HSF5: variants seen among roughly 807,000 people sequenced by gnomAD.
HSF5 encodes heat shock factor protein 5.
Under a neutral mutation model 50.8 loss-of-function variants are expected in HSF5, and 5 were observed. The observed-to-expected ratio is 0.10, with a 90% CI of 0.05 to 0.21. The LOEUF (loss-of-function observed/expected upper bound fraction) is 0.21. HSF5 is among the 10% of genes least tolerant of loss of function. The pLI, the probability that HSF5 is intolerant of heterozygous loss-of-function variation, is 1.00. For synonymous variants in HSF5, 307 were observed against 307.4 expected (o/e 1.00, Z 0.02); for missense variants, 564 against 762.6 (o/e 0.74, Z 3.07).
At chr17:58,439,747 G>C (rs1419544736) in intron 5 of HSF5, among the ~76,000 whole-genome samples, 1 of 152,124 alleles carries the variant, frequency 6.6e-6, no homozygotes, top group Non-Finnish European at 1.5e-5. Context: ...GCCTCCCAAA[G>C]TGCTGGGATT....
chr17:58,488,230 G>T lies in HSF5; in HGVS notation c.45C>A (p.Pro15=), dbSNP rs530559943. The change falls in exon 1 of 6, where the codon CCC becomes CCA. Residue 15 remains proline (P), a synonymous_variant. Coordinates refer to ENST00000323777, the MANE Select transcript of HSF5 (RefSeq NM_001080439.3). This position sits in a 1 kb window ranked among gnomAD's most constrained non-coding sequence, Gnocchi z 4.1. The stretch of plus-strand genomic sequence containing the variant: ...TGTTCACCAGGCGCCACAGCTTGGC[G>T]GGGAAGTTGTTGGGGTTGATGGGGG... The part of the protein sequence containing the change: ...LSTPINPNNF[P]AKLWRLVNSP... 1.3e-6 allele frequency: 2 copies of T among 1,516,684 alleles called. No individual in the cohort carries two copies. The highest frequency in any genetic ancestry group is 2.5e-5 in the South Asian group (2 of 78,654). The allele number at this position is 1,516,684 out of a possible 1,614,324, so 94.0% of individuals were successfully genotyped here.
At chr17:58,454,083 A>G (rs2143768169) in intron 5 of HSF5, among the ~76,000 whole-genome samples, 1 of 151,988 alleles carries the variant, frequency 6.6e-6, no homozygotes, top group East Asian at 1.9e-4. Flanking sequence ...ACAGAGTGAG[A>G]CTCTGTCACA....
chr17:58,477,112 T>C (rs1975024556), intron 2 of HSF5, among the ~76,000 whole-genome samples: 1 of 149,628 alleles, frequency 6.7e-6, no homozygotes, highest in Admixed American at 6.6e-5. Flanking sequence ...GATATATATA[T>C]ATACTTTTTT....
chr17:58,487,568 G>T (rs1177183257), intron 1 of HSF5, among the ~76,000 whole-genome samples, 157 bp downstream of exon 1: 1 of 152,246 alleles, frequency 6.6e-6, no homozygotes, highest in African/African-American at 2.4e-5. Flanking sequence ...GGCGGTGGCG[G>T]GACCGCCAGT....
At chr17:58,431,550 C>T (rs1974365303) in intron 5 of HSF5, among the ~76,000 whole-genome samples, 2 of 152,276 alleles carry the variant, frequency 1.3e-5, no homozygotes, top group South Asian at 4.1e-4. Context: ...TTATGCCGTG[C>T]ATGACCATAT....
Position 58,422,300 on chromosome 17 carries a change from G to T in HSF5, c.*60C>A. ...AAAAAATCCCAACAGTTTGTCATGTGCAAGGCTAGTCTGCCTCCAGCTACA... is the reference window on the plus strand; with the variant it reads ...AAAAAATCCCAACAGTTTGTCATGTTCAAGGCTAGTCTGCCTCCAGCTACA... On this transcript the variant is annotated 3_prime_UTR_variant, in exon 6 of 6. Transcript: ENST00000323777. 1 of 1,216,850 alleles carries T rather than the reference G, an allele frequency of 8.2e-7. No homozygotes were observed. Among genetic ancestry groups the T allele is most frequent in the Non-Finnish European group, 1.2e-6 (1 of 828,438 alleles). 75.4% of individuals were successfully genotyped at this position (1,216,850 alleles called of 1,614,324 possible).
At chr17:58,471,465 A>G (rs933998330) in intron 2 of HSF5, among the ~76,000 whole-genome samples, 1 of 152,214 alleles carries the variant, frequency 6.6e-6, no homozygotes, top group Non-Finnish European at 1.5e-5. Context: ...GATCACACCT[A>G]TAGAATTTAA....
chr17:58,457,229 C>G (rs761877423), intron 5 of HSF5, among the ~76,000 whole-genome samples: 1 of 150,450 alleles, frequency 6.6e-6, no homozygotes, highest in Non-Finnish European at 1.5e-5. Context: ...CATTGCACTA[C>G]AGCCCGGGCA....
chr17:58,479,304 T>C (rs1975068106), intron 2 of HSF5, among the ~76,000 whole-genome samples: 1 of 151,644 alleles, frequency 6.6e-6, no homozygotes, highest in African/African-American at 2.4e-5. Context: ...GGTACTAAGG[T>C]TTTTTGCTTT....
chr17:58,470,954 A>G (rs1974935953), intron 2 of HSF5, among the ~76,000 whole-genome samples: 1 of 152,194 alleles, frequency 6.6e-6, no homozygotes, highest in African/African-American at 2.4e-5. Flanking sequence ...TTTATATATT[A>G]AATATATTAT....
At chr17:58,476,571 A>G in intron 2 of HSF5, 1 of 1,505,350 alleles carries the variant, frequency 6.6e-7, no homozygotes, top group South Asian at 1.1e-5. Flanking sequence ...GATCAAAATA[A>G]AAATCTATTC....
intron 5 of HSF5, among the ~76,000 whole-genome samples, chr17:58,422,780 C>T (rs1196852260): frequency 6.7e-6 from 1 of 150,174 alleles, no homozygotes; most frequent in Non-Finnish European, 1.5e-5. Context: ...GCTGCAACCT[C>T]TGCCTCCTGG....
chr17:58,423,363 T>C (rs1974250320), intron 5 of HSF5, among the ~76,000 whole-genome samples: 1 of 152,148 alleles, frequency 6.6e-6, no homozygotes. Flanking sequence ...GCTAAGACCA[T>C]GTGTAGAAGT....
intron 5 of HSF5, among the ~76,000 whole-genome samples, chr17:58,448,656 G>A (rs934155180): frequency 6.6e-6 from 1 of 152,150 alleles, no homozygotes. Flanking sequence ...CAAACATGAA[G>A]GAGAGATAAA....
chr17:58,448,891 GAAGA>G (rs1974597896), intron 5 of HSF5, among the ~76,000 whole-genome samples: 1 of 152,142 alleles, frequency 6.6e-6, no homozygotes, highest in South Asian at 2.1e-4. Flanking sequence ...AATACAAAAA[GAAGA>G]AAGATTAATA....
At chr17:58,435,958 A>G (rs1974422871) in intron 5 of HSF5, among the ~76,000 whole-genome samples, 1 of 151,926 alleles carries the variant, frequency 6.6e-6, no homozygotes, top group South Asian at 2.1e-4. Context: ...TATTGCTACT[A>G]TGTATGGACT....
chr17:58,479,557 C>T (rs1015350529), intron 2 of HSF5, among the ~76,000 whole-genome samples: 3 of 152,130 alleles, frequency 2.0e-5, no homozygotes, highest in East Asian at 1.9e-4. Context: ...CCCGCCTCAG[C>T]CTCCCAAAGT....
intron 5 of HSF5, among the ~76,000 whole-genome samples, chr17:58,429,857 AT>A (rs1567905261): frequency 6.6e-6 from 1 of 151,500 alleles, no homozygotes; most frequent in African/African-American, 2.4e-5. Flanking sequence ...AAAAAAAAAA[AT>A]TAAATGTTTA....
At chr17:58,428,388 G>T (rs184578535) in intron 5 of HSF5, among the ~76,000 whole-genome samples, 1 of 152,054 alleles carries the variant, frequency 6.6e-6, no homozygotes, top group Non-Finnish European at 1.5e-5. Flanking sequence ...GGCCAGGCGC[G>T]GTGGCTCACG....
Sources: allele counts gnomAD v4.1 joint callset (sites outside exome capture counted in the v4.1 genomes callset), GRCh38; gene constraint gnomAD v4.1.1; non-coding constraint Gnocchi (gnomAD v3.1); transcripts MANE v1.5; gene names NCBI Gene and HGNC (gene_info 2026-07-23, HGNC 2026-07-21).